Variants in SNTG2 observed in about 807,000 individuals in gnomAD.
SNTG2 encodes the protein syntrophin gamma 2.
Under a neutral mutation model 70.9 loss-of-function variants are expected in SNTG2, and 74 were observed. The ratio of observed to expected loss-of-function variants is 1.04; its 90% confidence interval spans 0.86 to 1.27. The LOEUF is 1.27. Ranked by LOEUF, SNTG2 falls within the 50% of genes most tolerant of loss-of-function variation. The pLI is 0.00. For missense variants in SNTG2, 717 were observed against 690.7 expected (o/e 1.04, Z -0.43); for synonymous variants, 278 against 273.8 (o/e 1.02, Z -0.15).
chr2:1,335,271 A>G (rs1297967968), intron 16 of SNTG2, among the ~76,000 whole-genome samples: 2 of 152,188 alleles, frequency 1.3e-5, no homozygotes, highest in Non-Finnish European at 2.9e-5. Context: ...CTTTATCAAC[A>G]TATAAGCTAA....
chr2:1,352,471 GC>G (rs1660632125), intron 16 of SNTG2, among the ~76,000 whole-genome samples: 1 of 152,160 alleles, frequency 6.6e-6, no homozygotes. Context: ...TAGCAGCTGG[GC>G]CCCGTGTCAG....
intron 1 of SNTG2, among the ~76,000 whole-genome samples, chr2:984,809 C>T (rs1661251509): frequency 1.3e-5 from 2 of 152,224 alleles, no homozygotes; most frequent in African/African-American, 2.4e-5. Context: ...GGGAGGGAAG[C>T]ACCCACTTCT....
chr2:1,127,782 CTA>C (rs1667792369), intron 4 of SNTG2, among the ~76,000 whole-genome samples: 2 of 152,024 alleles, frequency 1.3e-5, no homozygotes, highest in African/African-American at 4.8e-5. Flanking sequence ...ACTTAGAACA[CTA>C]TTGATTTCTG....
chr2:1,176,692 T>TA (rs1671502543), intron 8 of SNTG2, among the ~76,000 whole-genome samples: 1 of 150,742 alleles, frequency 6.6e-6, no homozygotes, highest in African/African-American at 2.4e-5. Flanking sequence ...CACGAACAGA[T>TA]ACTTCTCAAA....
intron 12 of SNTG2, among the ~76,000 whole-genome samples, chr2:1,253,980 ACAGT>A (rs1472570825): frequency 6.6e-6 from 1 of 152,204 alleles, no homozygotes; most frequent in African/African-American, 2.4e-5. Context: ...ACACTTGTAA[ACAGT>A]CAGATCTCAT....
chr2:1,360,826 C>CT (rs1191079800), intron 16 of SNTG2, among the ~76,000 whole-genome samples: 1 of 152,150 alleles, frequency 6.6e-6, no homozygotes, highest in African/African-American at 2.4e-5. Context: ...GATGGAGTCT[C>CT]TAAATAAGAG....
At chr2:1,229,197 C>T (rs1676014903) in intron 9 of SNTG2, among the ~76,000 whole-genome samples, 1 of 152,138 alleles carries the variant, frequency 6.6e-6, no homozygotes, top group African/African-American at 2.4e-5. Context: ...CTTATCTGGT[C>T]CCACCCACAT....
At chr2:1,077,721 G>A (rs150239031) in intron 1 of SNTG2, among the ~76,000 whole-genome samples, 2 of 152,156 alleles carry the variant, frequency 1.3e-5, no homozygotes, top group Non-Finnish European at 2.9e-5. Flanking sequence ...TTCCTCACAG[G>A]TTTTTATTTT....
chr2:1,340,747 C>T (rs866449439), intron 16 of SNTG2, among the ~76,000 whole-genome samples: 2 of 152,150 alleles, frequency 1.3e-5, no homozygotes, highest in Admixed American at 6.5e-5. Context: ...TATTATTTCA[C>T]ATTTTTTCCT....
chr2:1,216,075 T>G (rs1490445630), intron 9 of SNTG2, among the ~76,000 whole-genome samples: 1 of 152,210 alleles, frequency 6.6e-6, no homozygotes, highest in South Asian at 2.1e-4. Flanking sequence ...TACCCAGTAA[T>G]GGGATGGCTG....
intron 14 of SNTG2, among the ~76,000 whole-genome samples, chr2:1,301,669 A>G (rs544317263): frequency 6.6e-6 from 1 of 152,352 alleles, no homozygotes; most frequent in South Asian, 2.1e-4. Flanking sequence ...TACAGAGGCC[A>G]GAAGGGAGTG....
chr2:1,142,099 A>G (rs1668792012), intron 6 of SNTG2, among the ~76,000 whole-genome samples: 1 of 151,952 alleles, frequency 6.6e-6, no homozygotes, highest in South Asian at 2.1e-4. Flanking sequence ...CTGGGAACTG[A>G]CTCTCTCCCT....
chr2:1,145,164 G>A (rs912562141), intron 6 of SNTG2, among the ~76,000 whole-genome samples: 14 of 151,826 alleles, frequency 9.2e-5, no homozygotes, highest in African/African-American at 3.1e-4. Flanking sequence ...TTTCCCCAAA[G>A]CTCTAAGCTT....
At chr2:1,066,182 C>T (rs771679415) in intron 1 of SNTG2, among the ~76,000 whole-genome samples, 5 of 152,154 alleles carry the variant, frequency 3.3e-5, no homozygotes, top group South Asian at 2.1e-4. Context: ...CAGAATTTGA[C>T]GAACTCTTAG....
intron 6 of SNTG2, among the ~76,000 whole-genome samples, chr2:1,165,171 G>T (rs1670622866): frequency 1.3e-5 from 2 of 152,212 alleles, no homozygotes; most frequent in Admixed American, 1.3e-4. Context: ...TTTTGCCACA[G>T]TTAATCCATG....
At chr2:1,304,100 A>C (rs535924542) in intron 14 of SNTG2, among the ~76,000 whole-genome samples, 1 of 152,376 alleles carries the variant, frequency 6.6e-6, no homozygotes, top group East Asian at 1.9e-4. Context: ...TTTTGAAGCA[A>C]GCATTAATTA....
chr2:1,001,169 A>G (rs1428843278), intron 1 of SNTG2, among the ~76,000 whole-genome samples: 1 of 152,026 alleles, frequency 6.6e-6, no homozygotes, highest in African/African-American at 2.4e-5. Context: ...ATCATACTGA[A>G]TGGACAAACA....
rs28656093 is a variant in SNTG2 at position 1,181,192 on chromosome 2, A to G, written c.591+8009A>G. On this transcript the variant is annotated intron_variant, in intron 8 of 16. Transcript: ENST00000308624. ...TGTAACTAACCTGCACATTGTGCAC[A>G]TGTACCCTAAAACTTAAAGTATAAT... Among the ~76,000 whole-genome samples the G allele has an allele frequency of 9.8e-3, 1,481 of 151,132 alleles. 22 individuals are homozygous for G. Among genetic ancestry groups the G allele is most frequent in the African/African-American group, 0.033 (1,359 of 41,200 alleles).
intron 15 of SNTG2, among the ~76,000 whole-genome samples, chr2:1,310,420 C>T (rs906818435): frequency 6.6e-6 from 1 of 152,146 alleles, no homozygotes; most frequent in Non-Finnish European, 1.5e-5. Context: ...TGTGATTCTG[C>T]TAGAGGGTCT....
Sources: gnomAD v4.1 joint callset for allele counts (sites outside exome capture counted in the v4.1 genomes callset) on GRCh38, gnomAD v4.1.1 for gene constraint, MANE v1.5 for transcripts, NCBI Gene and HGNC (gene_info 2026-07-23, HGNC 2026-07-21) for gene names.